The following EYA4 variants were observed in gnomAD, a reference collection of about 807,000 sequenced individuals.
EYA4 encodes EYA transcriptional coactivator and phosphatase 4.
Under a neutral mutation model 87.9 loss-of-function variants are expected in EYA4, and 31 were observed. The ratio of observed to expected loss-of-function variants is 0.35; its 90% CI spans 0.27 to 0.48. EYA4 has a LOEUF of 0.48. Among genes scored for constraint, EYA4 ranks in the 20% least tolerant of loss-of-function variants. EYA4 has a pLI of 0.99. For missense variants in EYA4, 678 were observed against 761.4 expected (o/e 0.89, Z 1.29); for synonymous variants, 263 against 270.6 (o/e 0.97, Z 0.28).
At chr6:133,285,822 A>G (rs919974384) in intron 2 of EYA4, among the ~76,000 whole-genome samples, 2 of 152,182 alleles carry the variant, frequency 1.3e-5, no homozygotes, top group Non-Finnish European at 2.9e-5. Context: ...AAGGTGTCAG[A>G]CATAACTTCA....
intron 13 of EYA4, among the ~76,000 whole-genome samples, chr6:133,501,781 A>G (rs1213068780): frequency 2.0e-5 from 3 of 152,204 alleles, no homozygotes; most frequent in Non-Finnish European, 2.9e-5. Flanking sequence ...CTTTAAAAAT[A>G]CATAATTGCT....
Position 133,462,629 on chromosome 6 carries a change from G to A in EYA4, c.589G>A (p.Val197Met). 1.9e-6 allele frequency: 3 copies of A among 1,614,006 alleles called. No individual in the cohort carries two copies. The highest frequency in any genetic ancestry group is 2.5e-6 in the Non-Finnish European group (3 of 1,179,936). Reference sequence around the variant, plus strand: ...TTCAATTTTCTGAACAGATTTGGGTGTGATGTTGCCAGCCATCAAGACAGA... The same window carrying A: ...TTCAATTTTCTGAACAGATTTGGGTATGATGTTGCCAGCCATCAAGACAGA... ...PYSLPTYDLG[V>M]MLPAIKTESG... Residue 197 changes from valine to methionine, a missense_variant, in exon 9 of 20, where the codon GTG (valine) becomes ATG (methionine). By Grantham distance (21) the Val-to-Met change is conservative. Transcript: ENST00000355286.
At chr6:133,404,207 G>A (rs1170888538) in intron 3 of EYA4, among the ~76,000 whole-genome samples, 4 of 152,176 alleles carry the variant, frequency 2.6e-5, no homozygotes, top group Admixed American at 1.3e-4. Context: ...AGTTCAGTGA[G>A]TGTTGCCAAT....
chr6:133,357,053 C>T (rs879688269), intron 2 of EYA4, among the ~76,000 whole-genome samples: 6 of 151,656 alleles, frequency 4.0e-5, no homozygotes, highest in South Asian at 2.1e-4. Context: ...GGGCGGATCA[C>T]GAGGTCAGGA....
chr6:133,304,737 G>A lies in EYA4; in HGVS notation c.33+29924G>A, dbSNP rs116941592. ...TCTCTGTTTTTCTCACATAAAATGG[G>A]GATACAAATGATCTATCTTTCAGGG... On this transcript the variant is annotated intron_variant, in intron 2 of 19. Transcript: ENST00000355286. Among the ~76,000 whole-genome samples the A allele has an allele frequency of 2.8e-3, 430 of 152,164 alleles. 1 individual carries two copies. Among genetic ancestry groups the A allele is most frequent in the Non-Finnish European group, 5.0e-3 (342 of 68,006 alleles).
intron 13 of EYA4, chr6:133,502,487 C>A (rs1277591197): frequency 6.6e-6 from 1 of 152,144 alleles, no homozygotes; most frequent in African/African-American, 2.4e-5. Context: ...CCTGATAAAA[C>A]AGTGGAATTG....
intron 1 of EYA4, among the ~76,000 whole-genome samples, chr6:133,274,456 G>A (rs768847595): frequency 9.2e-5 from 14 of 152,286 alleles, no homozygotes; most frequent in Non-Finnish European, 1.3e-4. Flanking sequence ...ATTGCAGACT[G>A]TGTTTAGTGC....
chr6:133,271,209 A>T (rs780111757), intron 1 of EYA4, among the ~76,000 whole-genome samples: 17 of 152,100 alleles, frequency 1.1e-4, no homozygotes, highest in Non-Finnish European at 2.1e-4. Context: ...TTTCTAGAGA[A>T]CTTTGCCCCA....
chr6:133,424,404 G>T (rs1316999269), intron 3 of EYA4, among the ~76,000 whole-genome samples: 2 of 152,086 alleles, frequency 1.3e-5, no homozygotes, highest in Non-Finnish European at 2.9e-5. Context: ...TCAAGAATCA[G>T]TCTGCCTCCT....
intron 2 of EYA4, among the ~76,000 whole-genome samples, chr6:133,312,626 T>A (rs567161984): frequency 3.3e-5 from 5 of 152,328 alleles, no homozygotes; most frequent in African/African-American, 9.6e-5. Context: ...TTCCTTGTAT[T>A]CCTCAATATT....
At chr6:133,319,386 T>A (rs1194750109) in intron 2 of EYA4, among the ~76,000 whole-genome samples, 1 of 152,180 alleles carries the variant, frequency 6.6e-6, no homozygotes, top group Non-Finnish European at 1.5e-5. Flanking sequence ...GGATTGCGCC[T>A]TTTTTTCTTA....
chr6:133,412,797 C>G (rs1336921099), intron 3 of EYA4, among the ~76,000 whole-genome samples: 1 of 152,170 alleles, frequency 6.6e-6, no homozygotes, highest in Non-Finnish European at 1.5e-5. Context: ...TTCTCTTCAT[C>G]TTCTTTACAT....
chr6:133,373,895 A>T (rs1013762501), intron 2 of EYA4, among the ~76,000 whole-genome samples: 14 of 152,092 alleles, frequency 9.2e-5, no homozygotes, highest in Non-Finnish European at 1.9e-4. Context: ...GAGCTGTAAC[A>T]TGATATGTTA....
chr6:133,427,924 T>C (rs1355020385), intron 3 of EYA4, among the ~76,000 whole-genome samples: 2 of 152,128 alleles, frequency 1.3e-5, no homozygotes, highest in Non-Finnish European at 2.9e-5. Flanking sequence ...ACAATTATGA[T>C]GACAAAATTT....
chr6:133,362,761 C>T (rs1784547681), intron 2 of EYA4, among the ~76,000 whole-genome samples: 1 of 152,172 alleles, frequency 6.6e-6, no homozygotes, highest in Non-Finnish European at 1.5e-5. Flanking sequence ...GAGCCAGCTG[C>T]CAATCAAAAC....
At chr6:133,267,341 T>C (rs1478451576) in intron 1 of EYA4, among the ~76,000 whole-genome samples, 2 of 152,134 alleles carry the variant, frequency 1.3e-5, no homozygotes, top group Non-Finnish European at 2.9e-5. Flanking sequence ...AATGTGGTGT[T>C]CTTATTTTTT....
chr6:133,343,992 G>A (rs1160339629), intron 2 of EYA4, among the ~76,000 whole-genome samples: 1 of 152,046 alleles, frequency 6.6e-6, no homozygotes, highest in Admixed American at 6.6e-5. Flanking sequence ...ATTCATTATT[G>A]AGGAAATCAT....
chr6:133,450,765 C>T (rs142947380), intron 5 of EYA4, among the ~76,000 whole-genome samples: 288 of 152,358 alleles, frequency 1.9e-3, no homozygotes, highest in Middle Eastern at 0.01. Context: ...ACTACCTAGG[C>T]CTCCCAAAGT....
intron 13 of EYA4, among the ~76,000 whole-genome samples, chr6:133,488,359 T>C (rs1007370045): frequency 2.0e-5 from 3 of 152,136 alleles, no homozygotes; most frequent in African/African-American, 7.2e-5. Context: ...TCATACAAAC[T>C]TGGCTAGTTT....
Sources: gnomAD v4.1 joint callset for allele counts (sites outside exome capture counted in the v4.1 genomes callset) on GRCh38, gnomAD v4.1.1 for gene constraint, MANE v1.5 for transcripts, NCBI Gene and HGNC (gene_info 2026-07-23, HGNC 2026-07-21) for gene names.